Variants in ERICH1 observed in about 807,000 individuals in gnomAD.
The protein encoded by ERICH1 is glutamate-rich protein 1.
A neutral mutation model predicts 39.6 loss-of-function variants in ERICH1; 56 were observed. The ratio of observed to expected loss-of-function variants is 1.41; its 90% CI spans 1.14 to 1.77. The LOEUF is 1.77. Among genes scored for constraint, ERICH1 ranks in the 40% most tolerant of loss-of-function variants. The probability of loss-of-function intolerance (pLI) is 0.00; values close to 1 mark genes in which losing one functional copy is unlikely to be tolerated. For synonymous variants in ERICH1, 313 were observed against 223.6 expected (o/e 1.40, Z -3.57); for missense variants, 826 against 575.4 (o/e 1.44, Z -4.45).
At chr8:691,625 G>A (rs1441559168) in intron 3 of ERICH1, among the ~76,000 whole-genome samples, 1 of 152,190 alleles carries the variant, frequency 6.6e-6, no homozygotes, top group Non-Finnish European at 1.5e-5. Context: ...TCTAATAATT[G>A]TGTTTCAAAG....
intron 2 of ERICH1, among the ~76,000 whole-genome samples, chr8:698,967 A>G (rs1431049492): frequency 6.6e-6 from 1 of 151,388 alleles, no homozygotes; most frequent in Non-Finnish European, 1.5e-5. Context: ...GCAAGTGCCA[A>G]GCACAACTGC....
At chr8:728,967 C>A (rs1819410217) in intron 1 of ERICH1, among the ~76,000 whole-genome samples, 1 of 152,156 alleles carries the variant, frequency 6.6e-6, no homozygotes, top group Admixed American at 6.5e-5. Context: ...TGACTGCCAA[C>A]CTTTCCACCT....
At chr8:626,003 C>T (rs1797579213) in intron 3 of ERICH1, 1 of 152,212 alleles carries the variant, frequency 6.6e-6, no homozygotes, top group Admixed American at 6.5e-5. Flanking sequence ...CCATTTTCAT[C>T]CATTCTACAA....
At chr8:629,615 GCCTGTGACCACCCCAGAGACAGAGCTGAC>G (rs1797835861) in intron 3 of ERICH1, among the ~76,000 whole-genome samples, 1 of 70,810 alleles carries the variant, frequency 1.4e-5, no homozygotes, top group Non-Finnish European at 2.7e-5. Context: ...ACTCACACCC[GCCTGTGACCACCCCAGAGACAGAGCTGAC>G]TCACACCCGC....
At chr8:674,820 T>C (rs541475289) in intron 3 of ERICH1, among the ~76,000 whole-genome samples, 1 of 152,246 alleles carries the variant, frequency 6.6e-6, no homozygotes, top group Non-Finnish European at 1.5e-5. Context: ...GGACTCCAGG[T>C]TGGCAGAAGG....
intron 3 of ERICH1, among the ~76,000 whole-genome samples, chr8:652,155 C>G (rs1014144089): frequency 6.6e-6 from 1 of 152,200 alleles, no homozygotes; most frequent in Admixed American, 6.5e-5. Flanking sequence ...GCCACCCCAT[C>G]GACGCCTTCC....
At chr8:714,989 G>A (rs530608880) in intron 2 of ERICH1, among the ~76,000 whole-genome samples, 24 of 152,166 alleles carry the variant, frequency 1.6e-4, no homozygotes, top group African/African-American at 5.5e-4. Flanking sequence ...GCGCACAGCC[G>A]GTCTATTCTC....
At chr8:671,222 C>A (rs1297847607) in intron 4 of ERICH1, among the ~76,000 whole-genome samples, 3 of 142,734 alleles carry the variant, frequency 2.1e-5, no homozygotes, top group African/African-American at 8.0e-5. Context: ...TCTGTGCCCA[C>A]TGGTCCCCAG....
At chr8:684,758 G>A (rs1444781377) in intron 3 of ERICH1, among the ~76,000 whole-genome samples, 1 of 152,162 alleles carries the variant, frequency 6.6e-6, no homozygotes, top group South Asian at 2.1e-4. Flanking sequence ...GGGTGTCCGG[G>A]GGAGACATCA....
chr8:723,266 G>A (rs996919333), intron 1 of ERICH1, among the ~76,000 whole-genome samples: 1 of 152,202 alleles, frequency 6.6e-6, no homozygotes, highest in Non-Finnish European at 1.5e-5. Flanking sequence ...GCAGAACCGT[G>A]AGCCCAGCAA....
intron 1 of ERICH1, among the ~76,000 whole-genome samples, chr8:726,141 T>C (rs941747092): frequency 4.6e-5 from 7 of 152,118 alleles, no homozygotes; most frequent in Non-Finnish European, 1.0e-4. Flanking sequence ...ACCAACGCCA[T>C]GCTGTAAGAA....
chr8:641,727 C>T (rs1020120084), intron 3 of ERICH1, among the ~76,000 whole-genome samples: 3 of 152,204 alleles, frequency 2.0e-5, no homozygotes, highest in Non-Finnish European at 2.9e-5. Flanking sequence ...CCCTCCCCCT[C>T]CCCGCCGATT....
Position 634,549 on chromosome 8 carries a change from T to G in ERICH1, c.977-19265A>C, listed in dbSNP as rs569447426. Among the ~76,000 whole-genome samples, 108 of 152,314 alleles carry G rather than the reference T, an allele frequency of 7.1e-4. 1 individual carries two copies. Among genetic ancestry groups the G allele is most frequent in the African/African-American group, 2.6e-3 (107 of 41,576 alleles). On this transcript the variant is annotated intron_variant, in intron 3 of 3. Transcript: ENST00000522706. The stretch of plus-strand genomic sequence containing the variant: ...GGGCGGCCCCGTCGGGCGGGCACCT[T>G]CAACAGCAGGTTTGCTTGCGGCTCA...
At chr8:695,576 G>A (rs71514188) in intron 2 of ERICH1, among the ~76,000 whole-genome samples, 4,322 of 34,428 alleles carry the variant, frequency 0.13, 120 homozygotes, top group Middle Eastern at 0.21. Context: ...ATCAGCCTGC[G>A]CCTGTGCTGG....
chr8:692,560 A>G lies in ERICH1; in HGVS notation c.222T>C (p.Pro74=). 6.2e-7 allele frequency: 1 copy of G among 1,613,474 alleles called. No individual in the cohort carries two copies. ...TARRLYTASG[P]PEGYVPCWPE... ...GCCAACAGGGGACGTAGCCCTCAGG[A>G]GGCCCGCTGGCAGTGTAGAGCCGTC... Residue 74 remains proline, a synonymous_variant, in exon 3 of 6, where the codon CCT becomes CCC. Coordinates refer to ENST00000262109, the MANE Select transcript of ERICH1 (RefSeq NM_207332.3).
chr8:617,776 G>A (rs1053997038), intron 3 of ERICH1, among the ~76,000 whole-genome samples: 4 of 150,586 alleles, frequency 2.7e-5, no homozygotes, highest in African/African-American at 9.8e-5. Context: ...TGCGTGATTG[G>A]TGCTCAGTCC....
At chr8:654,798 G>T (rs1452555907) in intron 3 of ERICH1, among the ~76,000 whole-genome samples, 1 of 152,136 alleles carries the variant, frequency 6.6e-6, no homozygotes, top group Non-Finnish European at 1.5e-5. Flanking sequence ...TGGTGTCCAT[G>T]GTGGCAGTGC....
At chr8:690,597 T>G (rs1329820360) in intron 3 of ERICH1, among the ~76,000 whole-genome samples, 3 of 152,226 alleles carry the variant, frequency 2.0e-5, no homozygotes, top group Non-Finnish European at 4.4e-5. Context: ...GGGGCCAGAC[T>G]GAGGGCTAAG....
chr8:658,677 G>A (rs1800989087), intron 3 of ERICH1, among the ~76,000 whole-genome samples: 1 of 152,136 alleles, frequency 6.6e-6, no homozygotes, highest in Middle Eastern at 3.2e-3. Context: ...TGACCCAATC[G>A]GACAAGAGGA....
Sources: allele counts gnomAD v4.1 joint callset (sites outside exome capture counted in the v4.1 genomes callset), GRCh38; gene constraint gnomAD v4.1.1; transcripts MANE v1.5; gene names NCBI Gene and HGNC (gene_info 2026-07-23, HGNC 2026-07-21).